Variants in SLFN12L observed in about 807,000 individuals in gnomAD.
SLFN12L encodes the protein schlafen family member 12 like, also known as schlafen family member 12-like.
A neutral mutation model predicts 34.8 loss-of-function variants in SLFN12L; 34 were observed. That is an observed-to-expected ratio of 0.98 (90% CI 0.74 to 1.30). The LOEUF (loss-of-function observed/expected upper bound fraction) is 1.30. Among genes scored for constraint, SLFN12L ranks in the 50% most tolerant of loss-of-function variants. The pLI is 0.00. For synonymous variants in SLFN12L, 259 were observed against 247.5 expected (o/e 1.05, Z -0.44); for missense variants, 703 against 696.2 (o/e 1.01, Z -0.11).
intron 2 of SLFN12L, among the ~76,000 whole-genome samples, chr17:35,503,181 A>C (rs573927563): frequency 6.6e-6 from 1 of 152,234 alleles, no homozygotes. Flanking sequence ...TACCTACATT[A>C]AAGGGTTAAA....
At chr17:35,508,219 C>T (rs1193378841) in intron 2 of SLFN12L, among the ~76,000 whole-genome samples, 1 of 152,222 alleles carries the variant, frequency 6.6e-6, no homozygotes, top group Non-Finnish European at 1.5e-5. Flanking sequence ...CCCCTTAGAG[C>T]TGTAAGCCCT....
chr17:35,486,180 A>G (rs1315963189), intron 2 of SLFN12L, among the ~76,000 whole-genome samples: 1 of 152,110 alleles, frequency 6.6e-6, no homozygotes, highest in Non-Finnish European at 1.5e-5. Context: ...GATTTCTTTC[A>G]GCAGTGTTTC....
chr17:35,514,549 C>T (rs1032247884), intron 2 of SLFN12L, among the ~76,000 whole-genome samples: 1 of 152,144 alleles, frequency 6.6e-6, no homozygotes, highest in Non-Finnish European at 1.5e-5. Context: ...TTCAGTAGCT[C>T]ATAGTGTACT....
intron 4 of SLFN12L, among the ~76,000 whole-genome samples, chr17:35,476,457 GGAAGGAA>G (rs1457646793): frequency 3.1e-4 from 5 of 16,324 alleles, no homozygotes; most frequent in African/African-American, 8.2e-4. Flanking sequence ...AAGAAAGCAA[GGAAGGAA>G]GGAAGGAAGG....
intron 2 of SLFN12L, among the ~76,000 whole-genome samples, chr17:35,496,396 C>CA (rs531043402): frequency 1.1e-3 from 169 of 152,214 alleles, no homozygotes; most frequent in Middle Eastern, 3.4e-3. Context: ...TTCAGACGTA[C>CA]AAAAAAGTGT....
intron 1 of SLFN12L, among the ~76,000 whole-genome samples, chr17:35,532,828 G>T (rs987244929): frequency 6.6e-6 from 1 of 152,132 alleles, no homozygotes; most frequent in East Asian, 1.9e-4. Context: ...AGGAGGCAGA[G>T]GTTGCAGTGA....
chr17:35,511,874 C>T (rs925348732), intron 2 of SLFN12L, among the ~76,000 whole-genome samples: 6 of 152,158 alleles, frequency 3.9e-5, no homozygotes, highest in Non-Finnish European at 8.8e-5. Context: ...TGTATCCTTG[C>T]CTAAAGATAC....
intron 2 of SLFN12L, among the ~76,000 whole-genome samples, chr17:35,492,323 G>A (rs1307611184): frequency 5.3e-5 from 8 of 152,182 alleles, no homozygotes; most frequent in Non-Finnish European, 7.3e-5. Flanking sequence ...AGGAGAACCA[G>A]GTTGGGTGAC....
At chr17:35,504,795 C>A (rs1389634856) in intron 2 of SLFN12L, among the ~76,000 whole-genome samples, 1 of 152,202 alleles carries the variant, frequency 6.6e-6, no homozygotes, top group African/African-American at 2.4e-5. Flanking sequence ...TGAAGGGATG[C>A]AATGAGCTTA....
intron 2 of SLFN12L, chr17:35,490,638 A>C: frequency 1.1e-6 from 1 of 888,420 alleles, no homozygotes; most frequent in Non-Finnish European, 1.9e-6. Flanking sequence ...AGAAGAAATT[A>C]GATGAACTGA....
chr17:35,520,701 A>G (rs1567685527), intron 2 of SLFN12L, among the ~76,000 whole-genome samples: 1 of 151,996 alleles, frequency 6.6e-6, no homozygotes, highest in Non-Finnish European at 1.5e-5. Flanking sequence ...AGCCGAGATC[A>G]TACCACTGCA....
intron 2 of SLFN12L, among the ~76,000 whole-genome samples, chr17:35,485,035 C>T (rs1457690164): frequency 6.6e-6 from 1 of 152,166 alleles, no homozygotes; most frequent in African/African-American, 2.4e-5. Flanking sequence ...TTTTACAGTA[C>T]ACTCTTATAA....
intron 2 of SLFN12L, among the ~76,000 whole-genome samples, chr17:35,513,964 G>A (rs1357255038): frequency 2.6e-5 from 4 of 152,166 alleles, no homozygotes; most frequent in Non-Finnish European, 5.9e-5. Flanking sequence ...GCAAGGCCTG[G>A]TTGCCAACAT....
chr17:35,502,112 GA>G (rs1003797510), intron 2 of SLFN12L, among the ~76,000 whole-genome samples: 11 of 149,502 alleles, frequency 7.4e-5, no homozygotes, highest in East Asian at 2.0e-4. Flanking sequence ...AAGTAGTTAA[GA>G]AAAAAAAAGT....
intron 2 of SLFN12L, among the ~76,000 whole-genome samples, chr17:35,484,130 G>A (rs1472301150): frequency 6.6e-6 from 1 of 152,138 alleles, no homozygotes; most frequent in Non-Finnish European, 1.5e-5. Context: ...GGGACTCTGT[G>A]CTTTTGCATA....
chr17:35,520,970 A>G (rs1057139101), intron 2 of SLFN12L, among the ~76,000 whole-genome samples: 5 of 152,144 alleles, frequency 3.3e-5, no homozygotes, highest in Admixed American at 2.6e-4. Context: ...CCCAATCAGG[A>G]TGGCCAGCCT....
Position 35,487,789 on chromosome 17 carries a change from C to T in SLFN12L, c.87-7594G>A, listed in dbSNP as rs900753659. ...GGGGACCTGAGTTCTTTTCCACTTT[C>T]CTGCTCTCCGCGTCCGTGTGCGGCT... On this transcript the variant is annotated intron_variant, in intron 2 of 4. Transcript: ENST00000628453. 7.2e-6 allele frequency: 11 copies of T among 1,532,872 alleles called. No homozygotes were observed. The African/African-American group carries it at 1.4e-4, about 19-fold the overall frequency. 95.0% of individuals were successfully genotyped at this position (1,532,872 alleles called of 1,614,324 possible).
At chr17:35,521,130 G>A (rs1915983531) in intron 2 of SLFN12L, among the ~76,000 whole-genome samples, 1 of 151,996 alleles carries the variant, frequency 6.6e-6, no homozygotes, top group Non-Finnish European at 1.5e-5. Flanking sequence ...GCCTGAACAG[G>A]GCTTCTCAAA....
chr17:35,487,993 G>A, intron 2 of SLFN12L: 1 of 664,172 alleles, frequency 1.5e-6, no homozygotes, highest in East Asian at 2.9e-5. Context: ...TGGATCACCA[G>A]CTTAGGAGAT....
Sources: gnomAD v4.1 joint callset for allele counts (sites outside exome capture counted in the v4.1 genomes callset) on GRCh38, gnomAD v4.1.1 for gene constraint, MANE v1.5 for transcripts, NCBI Gene and HGNC (gene_info 2026-07-23, HGNC 2026-07-21) for gene names.